SGCZ: variants seen among roughly 807,000 people sequenced by gnomAD.
SGCZ encodes zeta-sarcoglycan.
SGCZ carries 40 observed loss-of-function variants against 41.3 expected under a neutral mutation model. The observed-to-expected ratio is 0.97, with a 90% CI of 0.75 to 1.26. SGCZ has a LOEUF of 1.26. Among genes scored for constraint, SGCZ ranks in the 50% most tolerant of loss-of-function variants. SGCZ has a pLI of 0.00. For missense variants in SGCZ, 552 were observed against 369.8 expected (o/e 1.49, Z -4.04); for synonymous variants, 206 against 137.5 (o/e 1.50, Z -3.49).
chr8:14,313,220 A>G (rs1435694401), intron 3 of SGCZ, among the ~76,000 whole-genome samples: 1 of 152,218 alleles, frequency 6.6e-6, no homozygotes, highest in Non-Finnish European at 1.5e-5. Context: ...TAATACTTGA[A>G]AAGTACTTAA....
intron 2 of SGCZ, among the ~76,000 whole-genome samples, chr8:14,439,509 A>G (rs1175066793): frequency 2.6e-5 from 4 of 151,808 alleles, no homozygotes; most frequent in Non-Finnish European, 4.4e-5. Flanking sequence ...AATATTCCTC[A>G]TAAGTACAGA....
At chr8:14,528,725 T>A (rs533358733) in intron 2 of SGCZ, among the ~76,000 whole-genome samples, 89 of 151,946 alleles carry the variant, frequency 5.9e-4, no homozygotes, top group African/African-American at 1.8e-3. Flanking sequence ...CTCTCTGCCC[T>A]GGCCCAATTT....
At chr8:14,926,854 A>G (rs1044971805) in intron 1 of SGCZ, among the ~76,000 whole-genome samples, 4 of 151,836 alleles carry the variant, frequency 2.6e-5, no homozygotes, top group African/African-American at 9.7e-5. Flanking sequence ...TTGTCCAGGA[A>G]GGTCGTGATC....
At chr8:14,870,636 A>T (rs1360952426) in intron 1 of SGCZ, among the ~76,000 whole-genome samples, 1 of 152,180 alleles carries the variant, frequency 6.6e-6, no homozygotes, top group Non-Finnish European at 1.5e-5. Flanking sequence ...AACTATCATC[A>T]GAGTGAACAG....
chr8:14,182,818 T>C (rs961923540), intron 4 of SGCZ, among the ~76,000 whole-genome samples: 3 of 151,936 alleles, frequency 2.0e-5, no homozygotes, highest in Non-Finnish European at 4.4e-5. Flanking sequence ...AAGACCAGCC[T>C]GGTCAACATT....
In SGCZ at chr8:14,103,881, G is replaced by A. The variant is rs76807926; in HGVS notation, c.621-1382C>T. Among the ~76,000 whole-genome samples, 959 of 152,054 alleles carry A rather than the reference G, an allele frequency of 6.3e-3. 1 individual carries two copies. Among genetic ancestry groups the A allele is most frequent in the Non-Finnish European group, 9.0e-3 (615 of 67,984 alleles). Reference sequence around the variant, plus strand: ...ATAAAATTTACTATTAGCATTTTACGCACAGTATCTAAATGTCAAAATTTG... The same window carrying A: ...ATAAAATTTACTATTAGCATTTTACACACAGTATCTAAATGTCAAAATTTG... On this transcript the variant is annotated intron_variant, in intron 6 of 7. Coordinates refer to ENST00000382080, the MANE Select transcript of SGCZ (RefSeq NM_139167.4).
chr8:14,660,133 C>G (rs552226549), intron 1 of SGCZ, among the ~76,000 whole-genome samples: 1 of 152,066 alleles, frequency 6.6e-6, no homozygotes, highest in Non-Finnish European at 1.5e-5. Flanking sequence ...ACAAGGAAAA[C>G]GAAACATGCA....
chr8:14,669,781 G>A (rs1808044389), intron 1 of SGCZ, among the ~76,000 whole-genome samples: 2 of 150,894 alleles, frequency 1.3e-5, no homozygotes, highest in Non-Finnish European at 2.9e-5. Context: ...TCCATATCTT[G>A]TCTATTGTGA....
At chr8:15,178,526 C>G (rs1800066609) in intron 1 of SGCZ, among the ~76,000 whole-genome samples, 1 of 152,160 alleles carries the variant, frequency 6.6e-6, no homozygotes, top group African/African-American at 2.4e-5. Context: ...CTAGAAACTA[C>G]CTGTGCCCCT....
rs573219956 is a variant in SGCZ at position 14,865,700 on chromosome 8, G to A, written c.40-310774C>T. ...ATAAAGACAATACTTAATCTAAGAA[G>A]TTAAAAACGGAAACAGGATAAACTT... On this transcript the variant is annotated intron_variant, in intron 1 of 7. Coordinates refer to ENST00000382080, the MANE Select transcript of SGCZ (RefSeq NM_139167.4). Among the ~76,000 whole-genome samples the A allele has an allele frequency of 2.6e-5, 4 of 152,234 alleles. No individual in the cohort carries two copies. In the South Asian group the frequency reaches 8.3e-4, roughly 32 times the overall value.
chr8:14,228,866 T>C (rs763987351), intron 4 of SGCZ, among the ~76,000 whole-genome samples: 17 of 152,290 alleles, frequency 1.1e-4, no homozygotes, highest in Non-Finnish European at 2.4e-4. Context: ...ATAGTATTCA[T>C]TGACATATAG....
At chr8:14,639,021 C>T (rs891001410) in intron 1 of SGCZ, among the ~76,000 whole-genome samples, 2 of 147,438 alleles carry the variant, frequency 1.4e-5, no homozygotes, top group Non-Finnish European at 3.0e-5. Context: ...AGAAATAATA[C>T]ACTAAGAAAC....
rs558700281 is a variant in SGCZ, at chr8:14,289,228, T to C, written c.336+34875A>G. On this transcript the variant is annotated intron_variant, in intron 3 of 7. Coordinates refer to ENST00000382080, the MANE Select transcript of SGCZ (RefSeq NM_139167.4). The stretch of plus-strand genomic sequence containing the variant: ...TTCTCACATAGTAGGATTTTTTTTT[T>C]ACTTTCTTGATACTGTCCTTTAATG... Among the ~76,000 whole-genome samples the C allele has an allele frequency of 7.9e-3, 1,202 of 151,816 alleles. 15 individuals are homozygous for C. The highest frequency in any genetic ancestry group is 0.027 in the African/African-American group (1,140 of 41,480).
At chr8:14,480,963 T>G (rs190335889) in intron 2 of SGCZ, among the ~76,000 whole-genome samples, 2 of 152,164 alleles carry the variant, frequency 1.3e-5, no homozygotes, top group Non-Finnish European at 2.9e-5. Flanking sequence ...GAAGTTATCT[T>G]GAACATTTGA....
intron 3 of SGCZ, among the ~76,000 whole-genome samples, chr8:14,249,557 A>G (rs1285185018): frequency 6.6e-6 from 1 of 152,214 alleles, no homozygotes; most frequent in Non-Finnish European, 1.5e-5. Flanking sequence ...TTGTGCTTGT[A>G]TGAGACACTA....
intron 1 of SGCZ, among the ~76,000 whole-genome samples, chr8:14,991,343 G>C (rs887101389): frequency 6.6e-6 from 1 of 152,138 alleles, no homozygotes; most frequent in Admixed American, 6.5e-5. Flanking sequence ...TTGTTGAAAT[G>C]CAAAGTGTTA....
At chr8:15,018,392 T>A (rs909850080) in intron 1 of SGCZ, among the ~76,000 whole-genome samples, 3 of 152,108 alleles carry the variant, frequency 2.0e-5, no homozygotes, top group Admixed American at 6.5e-5. Context: ...CAGGGAGTAA[T>A]CAGTATTACA....
intron 2 of SGCZ, among the ~76,000 whole-genome samples, chr8:14,336,659 G>A (rs748740610): frequency 3.9e-5 from 6 of 152,092 alleles, no homozygotes; most frequent in Non-Finnish European, 5.9e-5. Context: ...ATATCTCACG[G>A]TGGTTTACAA....
chr8:14,444,210 G>A (rs1480146910), intron 2 of SGCZ, among the ~76,000 whole-genome samples: 1 of 152,114 alleles, frequency 6.6e-6, no homozygotes, highest in African/African-American at 2.4e-5. Flanking sequence ...TTACACTGTT[G>A]GTGGGACTGT....
Sources: gnomAD v4.1 joint callset for allele counts (sites outside exome capture counted in the v4.1 genomes callset) on GRCh38, gnomAD v4.1.1 for gene constraint, MANE v1.5 for transcripts, NCBI Gene and HGNC (gene_info 2026-07-23, HGNC 2026-07-21) for gene names.